Variants in ZZZ3 observed in about 807,000 individuals in gnomAD.
ZZZ3 encodes the protein ZZ-type zinc finger-containing protein 3.
Under a neutral mutation model 95.2 loss-of-function variants are expected in ZZZ3, and 22 were observed. The observed-to-expected ratio is 0.23, with a 90% confidence interval of 0.17 to 0.33. The LOEUF is 0.33. ZZZ3 is among the 10% of genes least tolerant of loss of function. The pLI, the probability that ZZZ3 is intolerant of heterozygous loss-of-function variation, is 1.00. For missense variants in ZZZ3, 885 were observed against 1,066.5 expected (o/e 0.83, Z 2.37); for synonymous variants, 335 against 358.9 (o/e 0.93, Z 0.75).
chr1:77,594,673 C>G (rs916772475), intron 5 of ZZZ3, among the ~76,000 whole-genome samples: 3 of 151,740 alleles, frequency 2.0e-5, no homozygotes, highest in African/African-American at 7.3e-5. Context: ...ACATACAAGC[C>G]TCAATTCTTT....
At chr1:77,578,533 T>TA (rs1421398934) in intron 11 of ZZZ3, among the ~76,000 whole-genome samples, 1 of 152,204 alleles carries the variant, frequency 6.6e-6, no homozygotes, top group Non-Finnish European at 1.5e-5. Context: ...ATTTTGAATC[T>TA]AAAATCTTTC....
At chr1:77,665,153 G>A (rs997177621) in intron 1 of ZZZ3, among the ~76,000 whole-genome samples, 12 of 152,154 alleles carry the variant, frequency 7.9e-5, no homozygotes, top group Non-Finnish European at 1.8e-4. Flanking sequence ...GAGTTAAAAA[G>A]CAATTACAAA....
intron 11 of ZZZ3, among the ~76,000 whole-genome samples, chr1:77,577,758 C>T (rs1313007508): frequency 6.6e-6 from 1 of 152,114 alleles, no homozygotes; most frequent in Non-Finnish European, 1.5e-5. Context: ...ACAGCTGGGA[C>T]TGCAGGTGCG....
At chr1:77,567,783 C>T (rs1660967780) in intron 13 of ZZZ3, among the ~76,000 whole-genome samples, 2 of 152,026 alleles carry the variant, frequency 1.3e-5, no homozygotes, top group South Asian at 4.1e-4. Flanking sequence ...TTTCTATTAG[C>T]CTCTCAATCA....
chr1:77,617,513 T>G (rs1049421014), intron 5 of ZZZ3, among the ~76,000 whole-genome samples: 4 of 152,220 alleles, frequency 2.6e-5, no homozygotes. Context: ...GTTTTGTGTA[T>G]CCATTCATCA....
At chr1:77,586,630 C>T (rs1311641597) in intron 5 of ZZZ3, among the ~76,000 whole-genome samples, 1 of 152,080 alleles carries the variant, frequency 6.6e-6, no homozygotes, top group African/African-American at 2.4e-5. Context: ...AAATAAAGTA[C>T]AGTTCTTCAA....
At chr1:77,672,577 C>CT (rs1283370185) in intron 1 of ZZZ3, among the ~76,000 whole-genome samples, 3 of 152,190 alleles carry the variant, frequency 2.0e-5, no homozygotes, top group African/African-American at 2.4e-5. Flanking sequence ...ATCTGAAACT[C>CT]TAAGGGCAGA....
chr1:77,620,545 G>C (rs1358020365), intron 5 of ZZZ3, among the ~76,000 whole-genome samples: 1 of 151,438 alleles, frequency 6.6e-6, no homozygotes, highest in Non-Finnish European at 1.5e-5. Context: ...AAACTGAGCT[G>C]AATCAGTAAG....
intron 5 of ZZZ3, among the ~76,000 whole-genome samples, chr1:77,618,819 A>G (rs1666581944): frequency 6.6e-6 from 1 of 152,238 alleles, no homozygotes; most frequent in African/African-American, 2.4e-5. Flanking sequence ...TTTTAAAACA[A>G]TCTGTCAGTG....
At chr1:77,570,182 A>C (rs1661237213) in intron 12 of ZZZ3, among the ~76,000 whole-genome samples, 1 of 152,068 alleles carries the variant, frequency 6.6e-6, no homozygotes, top group Non-Finnish European at 1.5e-5. Context: ...GGCTCACTGC[A>C]AACTCTGCCT....
intron 5 of ZZZ3, among the ~76,000 whole-genome samples, chr1:77,598,004 A>G: frequency 6.6e-6 from 1 of 152,276 alleles, no homozygotes; most frequent in Admixed American, 6.5e-5. Flanking sequence ...ATATTTCTGT[A>G]AATCTAAAAC....
At chr1:77,659,112 G>T (rs1670552681) in intron 1 of ZZZ3, among the ~76,000 whole-genome samples, 1 of 152,002 alleles carries the variant, frequency 6.6e-6, no homozygotes, top group Non-Finnish European at 1.5e-5. Context: ...CAGCTACTAG[G>T]GAGGCTGAGT....
At chr1:77,651,243 G>C (rs530732859) in intron 1 of ZZZ3, among the ~76,000 whole-genome samples, 4 of 152,160 alleles carry the variant, frequency 2.6e-5, no homozygotes, top group African/African-American at 9.6e-5. Context: ...ACATTAGTTG[G>C]GCGTAGTGGT....
chr1:77,578,437 T>C (rs1662176990), intron 11 of ZZZ3, among the ~76,000 whole-genome samples: 1 of 152,156 alleles, frequency 6.6e-6, no homozygotes, highest in African/African-American at 2.4e-5. Flanking sequence ...AAAACAGAAA[T>C]TGATCTATTA....
chr1:77,683,238 C>A (rs1356015888), upstream of ZZZ3: 1 of 150,272 alleles, frequency 6.7e-6, no homozygotes, highest in Admixed American at 6.6e-5. Context: ...TGGCCCTCAC[C>A]ACGTGTCCCG....
intron 11 of ZZZ3, among the ~76,000 whole-genome samples, chr1:77,577,108 GCA>G (rs1190399805): frequency 6.6e-6 from 1 of 152,112 alleles, no homozygotes; most frequent in East Asian, 1.9e-4. Context: ...TTGATCAATA[GCA>G]CAGTCACAAA....
rs775692527 is a variant in ZZZ3, at chr1:77,578,904, G to A, written c.2083-35C>T. ...CATGACAAGTCTCTTAACACAATGAGATGACATACAATACCTGAGTCGTTT... is the reference window on the plus strand; with the variant it reads ...CATGACAAGTCTCTTAACACAATGAAATGACATACAATACCTGAGTCGTTT... On this transcript the variant is annotated intron_variant, in intron 10 of 14. Coordinates refer to ENST00000370801, the MANE Select transcript of ZZZ3 (RefSeq NM_015534.6). 3 of 1,370,104 alleles carry A rather than the reference G, an allele frequency of 2.2e-6. No individual in the cohort carries two copies. In the South Asian group the frequency reaches 4.5e-5, roughly 21 times the overall value. 84.9% of individuals were successfully genotyped at this position (1,370,104 alleles called of 1,614,324 possible).
intron 1 of ZZZ3, among the ~76,000 whole-genome samples, chr1:77,659,108 C>T (rs1294955849): frequency 6.6e-6 from 1 of 151,914 alleles, no homozygotes; most frequent in Non-Finnish European, 1.5e-5. Flanking sequence ...ATCCCAGCTA[C>T]TAGGGAGGCT....
At chr1:77,642,486 G>A (rs1668866354) in intron 1 of ZZZ3, among the ~76,000 whole-genome samples, 1 of 152,056 alleles carries the variant, frequency 6.6e-6, no homozygotes, top group Non-Finnish European at 1.5e-5. Flanking sequence ...GCTCATGCCT[G>A]TAATCTCAGC....
Sources: gnomAD v4.1 joint callset for allele counts (sites outside exome capture counted in the v4.1 genomes callset) on GRCh38, gnomAD v4.1.1 for gene constraint, MANE v1.5 for transcripts, NCBI Gene and HGNC (gene_info 2026-07-23, HGNC 2026-07-21) for gene names.